UQCC1: variants seen among roughly 807,000 people sequenced by gnomAD.
UQCC1 encodes bFGF-repressed Zic-binding protein.
UQCC1 carries 38 observed loss-of-function variants against 48.0 expected under a neutral mutation model. The observed-to-expected ratio is 0.79, with a 90% confidence interval of 0.61 to 1.04. The LOEUF is 1.04. Ranked by LOEUF, UQCC1 falls within the 50% of genes least tolerant of loss-of-function variation. UQCC1 has a pLI of 0.00. For synonymous variants in UQCC1, 111 were observed against 129.2 expected, an observed-to-expected ratio of 0.86 and a Z score of 0.95; for missense variants, 368 against 381.8, an observed-to-expected ratio of 0.96 and a Z score of 0.30.
intron 7 of UQCC1, among the ~76,000 whole-genome samples, chr20:35,341,255 G>A (rs149394340): frequency 0.037 from 5,575 of 148,694 alleles, 171 homozygotes; most frequent in South Asian, 0.13. Context: ...AAGAAAGAAA[G>A]AAAATAAACA....
At chr20:35,395,368 T>G (rs938031679) in intron 1 of UQCC1, among the ~76,000 whole-genome samples, 2 of 151,876 alleles carry the variant, frequency 1.3e-5, no homozygotes, top group Non-Finnish European at 2.9e-5. Flanking sequence ...ACTCCTATTA[T>G]CTCAGCACTT....
At chr20:35,402,472 G>GA (rs755294508) in intron 1 of UQCC1, among the ~76,000 whole-genome samples, 2 of 151,962 alleles carry the variant, frequency 1.3e-5, no homozygotes, top group Non-Finnish European at 2.9e-5. Flanking sequence ...CAGCTACTCG[G>GA]GAGGCTGAGG....
intron 5 of UQCC1, among the ~76,000 whole-genome samples, chr20:35,372,107 C>G (rs1289896806): frequency 6.6e-6 from 1 of 151,614 alleles, no homozygotes; most frequent in Non-Finnish European, 1.5e-5. Context: ...GTCAGGAGTT[C>G]GAGACCAGCC....
At chr20:35,393,090 CT>C (rs1416966945) in intron 2 of UQCC1, among the ~76,000 whole-genome samples, 1 of 151,644 alleles carries the variant, frequency 6.6e-6, no homozygotes, top group Admixed American at 6.6e-5. Context: ...AAAAACTCAA[CT>C]TGAGAGAGGT....
chr20:35,338,892 A>AATATATATATATATATATATATAT (rs1555805505), intron 7 of UQCC1, among the ~76,000 whole-genome samples: 21 of 30,574 alleles, frequency 6.9e-4, no homozygotes, highest in African/African-American at 6.6e-3. Context: ...AAAAAAAAAA[A>AATATATATATATATATATATATAT]ATATATATAT....
intron 1 of UQCC1, among the ~76,000 whole-genome samples, chr20:35,401,696 T>C (rs2062167939): frequency 6.9e-6 from 1 of 145,690 alleles, no homozygotes; most frequent in Admixed American, 7.3e-5. Context: ...AGTTTCACTC[T>C]TGTTGCCCAG....
chr20:35,315,549 G>C (rs1454712990), intron 7 of UQCC1: 10 of 152,480 alleles, frequency 6.6e-5, no homozygotes, highest in African/African-American at 2.4e-4. Context: ...GGAAAGGAGG[G>C]AAGAACAAAG....
chr20:35,362,455 C>T (rs1412198119), intron 6 of UQCC1, among the ~76,000 whole-genome samples: 2 of 152,184 alleles, frequency 1.3e-5, no homozygotes, highest in Non-Finnish European at 2.9e-5. Flanking sequence ...TTCCCAGGTT[C>T]AAGCGATTCT....
In UQCC1 at chr20:35,375,466, T is replaced by C. The variant is rs1053507816; in HGVS notation, c.334-1210A>G. Among the ~76,000 whole-genome samples the C allele has an allele frequency of 1.3e-4, 20 of 152,218 alleles. No homozygotes were observed. The South Asian group carries it at 2.3e-3, about 17-fold the overall frequency. On this transcript the variant is annotated intron_variant, in intron 4 of 9. Transcript: ENST00000374385. ...AGTTAATACAGGGGAAAATAGGACATATAGAAATAGACAAATAAAAATCAG... is the reference window on the plus strand; with the variant it reads ...AGTTAATACAGGGGAAAATAGGACACATAGAAATAGACAAATAAAAATCAG...
At chr20:35,308,612 G>T (rs2060953374) in intron 8 of UQCC1, among the ~76,000 whole-genome samples, 1 of 152,240 alleles carries the variant, frequency 6.6e-6, no homozygotes, top group Admixed American at 6.5e-5. Flanking sequence ...CTAATAGTGA[G>T]AACAACCCAA....
chr20:35,366,491 A>G (rs2061667680), intron 6 of UQCC1, 66 bp downstream of exon 6: 1 of 1,438,352 alleles, frequency 7.0e-7, no homozygotes, highest in Non-Finnish European at 9.8e-7. Flanking sequence ...CCTGAAGGCT[A>G]TACCTTACAA....
At chr20:35,340,290 G>A (rs2061362712) in intron 7 of UQCC1, among the ~76,000 whole-genome samples, 1 of 152,150 alleles carries the variant, frequency 6.6e-6, no homozygotes, top group Non-Finnish European at 1.5e-5. Flanking sequence ...TCTACCAGAC[G>A]TACATGTTCA....
At chr20:35,397,879 C>T (rs1194200109) in intron 1 of UQCC1, among the ~76,000 whole-genome samples, 1 of 152,124 alleles carries the variant, frequency 6.6e-6, no homozygotes, top group East Asian at 1.9e-4. Context: ...GTAATTTAAC[C>T]TCTGTGACAT....
At chr20:35,330,776 C>T (rs1047578159) in intron 7 of UQCC1, among the ~76,000 whole-genome samples, 2 of 151,862 alleles carry the variant, frequency 1.3e-5, no homozygotes, top group Non-Finnish European at 2.9e-5. Context: ...CTACCCTGGG[C>T]TGGAAAATTT....
At position 35,304,011 on chromosome 20, in the gene UQCC1, C is replaced by T. The variant is rs1189307840; in HGVS notation, c.824G>A (p.Trp275Ter). The change falls in exon 10 of 10, where the codon TGG becomes TAG. Residue 275 changes from tryptophan (W) to a stop codon, truncating the protein, a stop_gained. Coordinates refer to ENST00000374385, the MANE Select transcript of UQCC1 (RefSeq NM_018244.5). LOFTEE classifies it high-confidence loss of function. ...AGGATTCTTCTCCACTAGAGGGCGC[C>T]AGCTCACCTCCCCTGTCAGAAGCAG... The part of the protein sequence containing the change: ...EDLLLTGEVS[W>*]RPLVEKNPQS... 5.6e-6 allele frequency: 9 copies of T among 1,614,052 alleles called. No homozygotes were observed. The African/African-American group carries it at 6.7e-5, about 12-fold the overall frequency.
In UQCC1 at chr20:35,348,475, T is replaced by C. The variant is rs139283262; in HGVS notation, c.465-1203A>G. ...CGCCATCTCGGCTCACTACAAGCTC[T>C]GCCTCCCGGGTTCTTGCCATTCTCC... is the stretch of plus-strand genomic sequence containing the variant. On this transcript the variant is annotated intron_variant, in intron 6 of 9. Coordinates refer to ENST00000374385, the MANE Select transcript of UQCC1 (RefSeq NM_018244.5). Among the ~76,000 whole-genome samples, 1,204 of 152,112 alleles carry C rather than the reference T, an allele frequency of 7.9e-3. 13 individuals are homozygous for C. The highest frequency in any genetic ancestry group is 0.027 in the African/African-American group (1,138 of 41,478).
At chr20:35,378,873 T>A (rs963517181) in intron 4 of UQCC1, among the ~76,000 whole-genome samples, 1 of 152,226 alleles carries the variant, frequency 6.6e-6, no homozygotes, top group African/African-American at 2.4e-5. Flanking sequence ...CCCACTGGAA[T>A]ACCTTCTTTT....
chr20:35,334,719 C>T (rs562841093), intron 7 of UQCC1, among the ~76,000 whole-genome samples: 1 of 152,144 alleles, frequency 6.6e-6, no homozygotes, highest in East Asian at 1.9e-4. Context: ...GCTAACAGGC[C>T]ACAATAAAAT....
chr20:35,365,486 C>G (rs530384485), intron 6 of UQCC1, among the ~76,000 whole-genome samples: 10 of 152,010 alleles, frequency 6.6e-5, no homozygotes, highest in Non-Finnish European at 1.5e-4. Context: ...GAAACCCTGT[C>G]TCTACTAAAA....
Sources: allele counts gnomAD v4.1 joint callset (sites outside exome capture counted in the v4.1 genomes callset), GRCh38; gene constraint gnomAD v4.1.1; transcripts MANE v1.5; gene names NCBI Gene and HGNC (gene_info 2026-07-23, HGNC 2026-07-21).